The following CPXM2 variants were observed in gnomAD, a reference collection of about 807,000 sequenced individuals.
The protein encoded by CPXM2 is inactive carboxypeptidase-like protein X2.
A neutral mutation model predicts 86.1 loss-of-function variants in CPXM2; 66 were observed. That is an observed-to-expected ratio of 0.77 (90% CI 0.63 to 0.94). The LOEUF (loss-of-function observed/expected upper bound fraction) is 0.94, where lower values mean the gene tolerates loss of function less well. Among genes scored for constraint, CPXM2 ranks in the 40% least tolerant of loss-of-function variants. The pLI is 0.00. For synonymous variants in CPXM2, 388 were observed against 400.2 expected (o/e 0.97, Z 0.36); for missense variants, 948 against 1,026.3 (o/e 0.92, Z 1.04).
chr10:123,868,962 CA>C (rs1181646185), intron 2 of CPXM2, among the ~76,000 whole-genome samples: 1 of 152,202 alleles, frequency 6.6e-6, no homozygotes, highest in Admixed American at 6.5e-5. Flanking sequence ...CTGTCAATCA[CA>C]ATACCACTTC....
At chr10:123,774,835 C>A (rs1000633703) in intron 7 of CPXM2, among the ~76,000 whole-genome samples, 2 of 152,222 alleles carry the variant, frequency 1.3e-5, no homozygotes, top group African/African-American at 4.8e-5. Context: ...CAGCCATCAC[C>A]ATGAAGACAG....
At chr10:123,901,429 T>TGTGTGTGTGTGTG (rs1945379896) in intron 2 of CPXM2, among the ~76,000 whole-genome samples, 6 of 138,956 alleles carry the variant, frequency 4.3e-5, no homozygotes, top group Non-Finnish European at 9.2e-5. Flanking sequence ...CCAAGCAAGT[T>TGTGTGTGTGTGTG]TGTGTGTGTG....
At chr10:123,930,168 C>T (rs1172783385) in intron 2 of CPXM2, among the ~76,000 whole-genome samples, 1 of 149,762 alleles carries the variant, frequency 6.7e-6, no homozygotes, top group Admixed American at 6.7e-5. Context: ...AGCTTGAGTT[C>T]TCAGCTCTCC....
intron 3 of CPXM2, among the ~76,000 whole-genome samples, chr10:123,858,116 G>A (rs1251621493): frequency 6.6e-6 from 1 of 152,246 alleles, no homozygotes; most frequent in African/African-American, 2.4e-5. Context: ...AACCAATGCT[G>A]CTTCTGTGTC....
At chr10:123,764,600 C>T (rs1846425292) in intron 10 of CPXM2, among the ~76,000 whole-genome samples, 12 of 152,136 alleles carry the variant, frequency 7.9e-5, no homozygotes, top group Admixed American at 7.9e-4. Context: ...GATCCTCCTA[C>T]CTCAGCCTCC....
At chr10:123,938,334 G>A (rs912336368) in intron 2 of CPXM2, among the ~76,000 whole-genome samples, 2 of 152,178 alleles carry the variant, frequency 1.3e-5, no homozygotes, top group African/African-American at 4.8e-5. Flanking sequence ...CTTATATCAT[G>A]AAGCCAGTGG....
At chr10:123,749,290 G>A (rs1350297861) in intron 13 of CPXM2, among the ~76,000 whole-genome samples, 1 of 152,142 alleles carries the variant, frequency 6.6e-6, no homozygotes, top group East Asian at 1.9e-4. Flanking sequence ...CAGGGAGGGG[G>A]CAGCCCAGGT....
At chr10:123,761,200 T>C (rs1846328585) in intron 11 of CPXM2, among the ~76,000 whole-genome samples, 1 of 152,206 alleles carries the variant, frequency 6.6e-6, no homozygotes, top group South Asian at 2.1e-4. Flanking sequence ...AAACTTTGAA[T>C]TCCCCATGCA....
At chr10:123,907,774 C>T (rs1415442592) in intron 2 of CPXM2, among the ~76,000 whole-genome samples, 1 of 114,174 alleles carries the variant, frequency 8.8e-6, no homozygotes, top group South Asian at 2.9e-4. Flanking sequence ...GGCGCCCACC[C>T]AGATGTACAC....
At chr10:123,764,592 T>C (rs979099713) in intron 10 of CPXM2, among the ~76,000 whole-genome samples, 1 of 152,096 alleles carries the variant, frequency 6.6e-6, no homozygotes, top group African/African-American at 2.4e-5. Context: ...GTTAAAGCGA[T>C]CCTCCTACCT....
At chr10:123,775,416 A>G (rs984018697) in intron 7 of CPXM2, among the ~76,000 whole-genome samples, 1 of 152,230 alleles carries the variant, frequency 6.6e-6, no homozygotes, top group African/African-American at 2.4e-5. Context: ...AATGAATGCA[A>G]GCATTCAGCC....
At chr10:123,856,513 C>T (rs889368948) in intron 3 of CPXM2, among the ~76,000 whole-genome samples, 1 of 152,176 alleles carries the variant, frequency 6.6e-6, no homozygotes, top group Non-Finnish European at 1.5e-5. Flanking sequence ...ATTAGATGAC[C>T]CACCTGAACA....
At chr10:123,901,904 C>A (rs1430718884) in intron 2 of CPXM2, among the ~76,000 whole-genome samples, 1 of 152,148 alleles carries the variant, frequency 6.6e-6, no homozygotes, top group Admixed American at 6.5e-5. Flanking sequence ...TGTCATCACT[C>A]GGAGGTAAGC....
Position 123,768,723 on chromosome 10 carries a change from C to T in CPXM2, c.1103-1G>A, listed in dbSNP as rs1038443099. ...GCGATGTAGTGGAACTCGGGCTCAC[C>T]TTTACTCAAAGACAGAGAGAAGCAC... is the stretch of plus-strand genomic sequence containing the variant. On this transcript the variant is annotated splice_acceptor_variant, in intron 8 of 13. Transcript: ENST00000241305. LOFTEE classifies it high-confidence loss of function. 2 of 1,607,052 alleles carry T rather than the reference C, an allele frequency of 1.2e-6. No individual in the cohort carries two copies. Among genetic ancestry groups the T allele is most frequent in the Non-Finnish European group, 8.5e-7 (1 of 1,179,618 alleles).
chr10:123,889,233 G>T (rs1233115976), intron 1 of CPXM2, among the ~76,000 whole-genome samples: 1 of 152,210 alleles, frequency 6.6e-6, no homozygotes, highest in Non-Finnish European at 1.5e-5. Context: ...TGTAGGGAAA[G>T]AAACCTATCT....
At chr10:123,763,285 G>A (rs529241608) in intron 10 of CPXM2, among the ~76,000 whole-genome samples, 13 of 152,148 alleles carry the variant, frequency 8.5e-5, no homozygotes, top group Non-Finnish European at 1.6e-4. Flanking sequence ...TGATCTGCCC[G>A]CCTCAGCCTC....
At chr10:123,780,134 TCCTGGC>T (rs779491439) in intron 7 of CPXM2, 27 bp downstream of exon 7, 1 of 1,403,308 alleles carries the variant, frequency 7.1e-7, no homozygotes, top group South Asian at 1.2e-5. Flanking sequence ...TTTGACAAAT[TCCTGGC>T]ATGAGGCTTT....
At chr10:123,928,298 T>C (rs951328061) in intron 2 of CPXM2, among the ~76,000 whole-genome samples, 2 of 152,226 alleles carry the variant, frequency 1.3e-5, no homozygotes, top group Non-Finnish European at 2.9e-5. Context: ...CCAGAGTGGA[T>C]GGTCTGATGA....
chr10:123,895,981 C>T (rs1186537208), upstream of CPXM2, among the ~76,000 whole-genome samples: 2 of 152,222 alleles, frequency 1.3e-5, no homozygotes, highest in East Asian at 3.8e-4. Context: ...TGTTATACAA[C>T]ATAAATCCAT....
Sources: gnomAD v4.1 joint callset for allele counts (sites outside exome capture counted in the v4.1 genomes callset) on GRCh38, gnomAD v4.1.1 for gene constraint, MANE v1.5 for transcripts, NCBI Gene and HGNC (gene_info 2026-07-23, HGNC 2026-07-21) for gene names.